DCC: variants seen among roughly 807,000 people sequenced by gnomAD.
DCC encodes DCC netrin 1 receptor.
In DCC, 58 loss-of-function variants were observed where a neutral mutation model predicts 172.5. The ratio of observed to expected loss-of-function variants is 0.34; its 90% CI spans 0.27 to 0.42. DCC has a LOEUF of 0.42. Among genes scored for constraint, DCC ranks in the 10% least tolerant of loss-of-function variants. The pLI is 1.00. For missense variants in DCC, 1,740 were observed against 1,791.0 expected (o/e 0.97, Z 0.51); for synonymous variants, 709 against 644.5 (o/e 1.10, Z -1.52).
intron 18 of DCC, 105 bp from the exon 19 acceptor site, chr18:53,402,681 T>G: frequency 1.2e-6 from 1 of 868,700 alleles, no homozygotes; most frequent in South Asian, 1.3e-5. Context: ...AGACATGATA[T>G]ACTTCTTGAT....
chr18:53,379,571 G>T (rs1469948022), intron 15 of DCC, among the ~76,000 whole-genome samples: 2 of 152,088 alleles, frequency 1.3e-5, no homozygotes, highest in Non-Finnish European at 2.9e-5. Context: ...TTAGAATAAT[G>T]GGTCTCTCAC....
At chr18:53,059,852 C>T (rs1226711378) in intron 5 of DCC, among the ~76,000 whole-genome samples, 1 of 152,042 alleles carries the variant, frequency 6.6e-6, no homozygotes, top group East Asian at 1.9e-4. Context: ...GCATCAGTAG[C>T]AAATCTTTGT....
At chr18:53,082,266 A>AC (rs1351653404) in intron 7 of DCC, among the ~76,000 whole-genome samples, 1 of 152,004 alleles carries the variant, frequency 6.6e-6, no homozygotes, top group Non-Finnish European at 1.5e-5. Context: ...CTATAAACTC[A>AC]CCTTGCAAGC....
At chr18:53,099,190 C>G (rs764307724) in intron 7 of DCC, among the ~76,000 whole-genome samples, 1 of 152,066 alleles carries the variant, frequency 6.6e-6, no homozygotes, top group African/African-American at 2.4e-5. Context: ...ATAGTTCCTT[C>G]CATTTGTATT....
At chr18:53,117,794 T>A (rs1249382640) in intron 7 of DCC, among the ~76,000 whole-genome samples, 1 of 151,674 alleles carries the variant, frequency 6.6e-6, no homozygotes, top group South Asian at 2.1e-4. Context: ...ACAGAAATCA[T>A]GTAAATATAT....
At chr18:53,127,344 A>T (rs2043577523) in intron 7 of DCC, among the ~76,000 whole-genome samples, 1 of 151,888 alleles carries the variant, frequency 6.6e-6, no homozygotes, top group Admixed American at 6.6e-5. Context: ...GATTATTCGG[A>T]TAGAGCTTCC....
intron 2 of DCC, among the ~76,000 whole-genome samples, chr18:52,852,680 C>T (rs959035826): frequency 1.3e-5 from 2 of 151,604 alleles, no homozygotes; most frequent in African/African-American, 4.9e-5. Context: ...CAGGAGACAT[C>T]AGGTTATTAT....
chr18:53,161,090 A>G (rs1171922858), intron 8 of DCC, among the ~76,000 whole-genome samples: 3 of 152,116 alleles, frequency 2.0e-5, no homozygotes, highest in Non-Finnish European at 4.4e-5. Flanking sequence ...TTTTGCTTCA[A>G]TTTCACTTTT....
intron 1 of DCC, among the ~76,000 whole-genome samples, chr18:52,364,311 T>C (rs1322888033): frequency 6.6e-6 from 1 of 152,182 alleles, no homozygotes; most frequent in African/African-American, 2.4e-5. Context: ...AGAAAATATG[T>C]TCAATGAGGA....
At chr18:52,557,204 G>T (rs1145284) in intron 1 of DCC, among the ~76,000 whole-genome samples, 3 of 152,012 alleles carry the variant, frequency 2.0e-5, no homozygotes, top group Non-Finnish European at 2.9e-5. Context: ...AGTTAACAAA[G>T]TATGTTAGTG....
intron 2 of DCC, among the ~76,000 whole-genome samples, chr18:52,863,585 G>T (rs2039177149): frequency 6.6e-6 from 1 of 151,752 alleles, no homozygotes; most frequent in African/African-American, 2.4e-5. Flanking sequence ...GATATTCAAT[G>T]ATTATTCATC....
intron 1 of DCC, among the ~76,000 whole-genome samples, chr18:52,372,797 G>A (rs1439415166): frequency 1.3e-5 from 2 of 152,154 alleles, no homozygotes; most frequent in South Asian, 2.1e-4. Flanking sequence ...AGCTGCACAT[G>A]CACTGAATTT....
At chr18:53,058,571 A>G (rs571539357) in intron 5 of DCC, among the ~76,000 whole-genome samples, 5 of 152,272 alleles carry the variant, frequency 3.3e-5, no homozygotes, top group Admixed American at 2.6e-4. Context: ...CCAAAATGGG[A>G]CAAATAGATC....
intron 8 of DCC, among the ~76,000 whole-genome samples, chr18:53,178,594 C>T (rs931632770): frequency 2.0e-5 from 3 of 152,160 alleles, no homozygotes; most frequent in South Asian, 2.1e-4. Context: ...TGTCATTAGC[C>T]GGATGTTTAC....
At chr18:52,687,283 C>CTT (rs5824954) in intron 1 of DCC, among the ~76,000 whole-genome samples, 9 of 126,398 alleles carry the variant, frequency 7.1e-5, no homozygotes, top group East Asian at 2.2e-4. Flanking sequence ...TTTCTTTTTC[C>CTT]TTTTTTTTTT....
chr18:53,422,092 A>C (rs1910670744), intron 21 of DCC, among the ~76,000 whole-genome samples: 1 of 152,182 alleles, frequency 6.6e-6, no homozygotes, highest in Non-Finnish European at 1.5e-5. Context: ...CACTCAGATC[A>C]CATACATTTA....
rs138477786 is a variant in DCC, at chr18:52,915,106, G to T, written c.698-8601G>T. Among the ~76,000 whole-genome samples the T allele has an allele frequency of 4.3e-4, 66 of 152,048 alleles. 1 individual carries two copies. Among genetic ancestry groups the T allele is most frequent in the Non-Finnish European group, 1.3e-4 (9 of 68,006 alleles). On this transcript the variant is annotated intron_variant, in intron 3 of 28. Transcript: ENST00000442544. ...AAACTGGTATTTTTTTCTTGCCAAC[G>T]CAGATGTCAACAGTCCATAATTTAA... is the stretch of plus-strand genomic sequence containing the variant.
At chr18:52,527,784 C>T (rs1568213509) in intron 1 of DCC, among the ~76,000 whole-genome samples, 1 of 152,110 alleles carries the variant, frequency 6.6e-6, no homozygotes, top group African/African-American at 2.4e-5. Flanking sequence ...AAAGTATTTT[C>T]AAGAAGAAAA....
intron 1 of DCC, among the ~76,000 whole-genome samples, chr18:52,495,265 A>G (rs754704828): frequency 3.9e-5 from 6 of 152,028 alleles, no homozygotes; most frequent in Non-Finnish European, 8.8e-5. Context: ...TTTGGTTTTC[A>G]TTTCCCTCTT....
Sources: gnomAD v4.1 joint callset for allele counts (sites outside exome capture counted in the v4.1 genomes callset) on GRCh38, gnomAD v4.1.1 for gene constraint, MANE v1.5 for transcripts, NCBI Gene and HGNC (gene_info 2026-07-23, HGNC 2026-07-21) for gene names.